PWP1: variants seen among roughly 807,000 people sequenced by gnomAD.
The protein encoded by PWP1 is PWP1 homolog, endonuclein.
A neutral mutation model predicts 69.9 loss-of-function variants in PWP1; 47 were observed. That is an observed-to-expected ratio of 0.67 (90% CI 0.53 to 0.86). The LOEUF is 0.86. Ranked by LOEUF, PWP1 falls within the 40% of genes least tolerant of loss-of-function variation. The pLI is 0.00. For missense variants in PWP1, 551 were observed against 608.8 expected, an observed-to-expected ratio of 0.91 and a Z score of 1.00; for synonymous variants, 222 against 208.2, an observed-to-expected ratio of 1.07 and a Z score of -0.57.
intron 8 of PWP1, 53 bp from the exon 9 acceptor site, chr12:107,702,882 T>G (rs1471185942): frequency 8.9e-6 from 10 of 1,119,488 alleles, no homozygotes; most frequent in East Asian, 4.7e-5. Context: ...TTTCTCATAT[T>G]TAATGCTCTT....
At chr12:107,711,802 G>GA (rs1372303097) in intron 14 of PWP1, among the ~76,000 whole-genome samples, 1 of 151,912 alleles carries the variant, frequency 6.6e-6, no homozygotes, top group Non-Finnish European at 1.5e-5. Flanking sequence ...AAAAGTGAAA[G>GA]AAAAAAATAG....
intron 3 of PWP1, among the ~76,000 whole-genome samples, chr12:107,689,126 T>A (rs1369701893): frequency 6.6e-6 from 1 of 152,208 alleles, no homozygotes; most frequent in Non-Finnish European, 1.5e-5. Flanking sequence ...CATATACCTT[T>A]TCCTCAACTG....
intron 3 of PWP1, 81 bp downstream of exon 3, chr12:107,688,883 C>T: frequency 7.2e-7 from 1 of 1,380,964 alleles, no homozygotes; most frequent in Non-Finnish European, 9.9e-7. Flanking sequence ...AAGCTTTACT[C>T]TTAGATTTTA....
At chr12:107,685,996 A>AG in intron 1 of PWP1, 25 bp downstream of exon 1, 1 of 1,612,042 alleles carries the variant, frequency 6.2e-7, no homozygotes, top group Admixed American at 1.7e-5. Context: ...CTGGGAGACA[A>AG]GGGGAGCAGC....
Position 107,686,969 on chromosome 12 carries a change from CAAAAAAAAA to C in PWP1, c.72+1021_72+1029del, listed in dbSNP as rs61728433. Among the ~76,000 whole-genome samples the C allele has an allele frequency of 2.3e-3, 245 of 106,812 alleles. 3 individuals carry two copies. The highest frequency in any genetic ancestry group is 8.4e-3 in the African/African-American group (230 of 27,356). 70.1% of individuals were successfully genotyped at this position (106,812 alleles called of 152,430 possible). A position where few individuals can be genotyped will look rare whatever the true frequency, so the allele number is the denominator to read the frequency against. On this transcript the variant is annotated intron_variant, in intron 1 of 14. Coordinates refer to ENST00000412830, the MANE Select transcript of PWP1 (RefSeq NM_007062.3). ...CGGGCAACAGAGTGAGACTCCGTCT[CAAAAAAAAA>C]AAAAAAAAAAAAAAAAAAAAAATAG... is the stretch of plus-strand genomic sequence containing the variant.
At position 107,699,573 on chromosome 12, in the gene PWP1, C is replaced by G. The variant is rs1487686864; in HGVS notation, c.806+139C>G. On this transcript the variant is annotated intron_variant, in intron 8 of 14. Transcript: ENST00000412830. ...TCTTGTAGGATGCCCTGCTTGCAGG[C>G]AGGAGCTCTGTCATCTGTTTCTTTG... 15 of 677,634 alleles carry G rather than the reference C, an allele frequency of 2.2e-5. No homozygotes were observed. The Admixed American group carries it at 4.2e-4, about 19-fold the overall frequency. The allele number at this position is 677,634 out of a possible 1,614,324, so 42.0% of individuals were successfully genotyped here. A position where few individuals can be genotyped will look rare whatever the true frequency, so the allele number is the denominator to read the frequency against.
chr12:107,708,537 C>T (rs753607444), intron 11 of PWP1, among the ~76,000 whole-genome samples: 16 of 152,292 alleles, frequency 1.1e-4, no homozygotes, highest in Admixed American at 2.6e-4. Flanking sequence ...CTGTTGGTCA[C>T]GCCTTGGTTC....
At chr12:107,703,227 G>C (rs1018794177) in intron 9 of PWP1, among the ~76,000 whole-genome samples, 196 bp downstream of exon 9, 2 of 152,058 alleles carry the variant, frequency 1.3e-5, no homozygotes, top group Non-Finnish European at 2.9e-5. Context: ...TGAAAAAATG[G>C]GTACAGAAAG....
intron 8 of PWP1, among the ~76,000 whole-genome samples, chr12:107,699,683 GA>G (rs932081474): frequency 6.6e-6 from 1 of 152,100 alleles, no homozygotes; most frequent in Non-Finnish European, 1.5e-5. Context: ...ACCACCACTG[GA>G]AAAAAACAGG....
chr12:107,698,370 G>A (rs1889634698), intron 7 of PWP1, among the ~76,000 whole-genome samples: 1 of 151,788 alleles, frequency 6.6e-6, no homozygotes, highest in Non-Finnish European at 1.5e-5. Flanking sequence ...GGAAAAAAAA[G>A]AACTGCTAGG....
In PWP1 at chr12:107,688,475, C is replaced by T. The variant is rs149469533; in HGVS notation, c.100C>T (p.Arg34Cys). ...AGAGCTGAGTAAAGAAGAAGTAAAA[C>T]GCCTCATTGCTGAGGCAAAGGAGAA... ...KVELSKEEVK[R>C]LIAEAKEKLQ... The change falls in exon 2 of 15, where the codon CGC becomes TGC. Residue 34 changes from arginine (R) to cysteine (C), a missense_variant. Transcript: ENST00000412830. The T allele has an allele frequency of 1.3e-4, 203 of 1,613,902 alleles. No individual in the cohort carries two copies. The highest frequency in any genetic ancestry group is 6.3e-4 in the Admixed American group (38 of 59,992).
Position 107,712,841 on chromosome 12 carries a change from A to G in PWP1, c.*621A>G, listed in dbSNP as rs1009631543. 1 of 152,238 alleles carries G rather than the reference A, an allele frequency of 6.6e-6. No homozygotes were observed. The highest frequency in any genetic ancestry group is 2.4e-5 in the African/African-American group (1 of 41,460). The allele number at this position is 152,238 out of a possible 1,614,324, so 9.4% of individuals were successfully genotyped here. ...TGCCATTCTGTGCCTAGTGCTATACAAGGCATGGGAGATTCAGTGTGAATA... is the reference window on the plus strand; with the variant it reads ...TGCCATTCTGTGCCTAGTGCTATACGAGGCATGGGAGATTCAGTGTGAATA... On this transcript the variant is annotated 3_prime_UTR_variant, in exon 15 of 15. Coordinates refer to ENST00000412830, the MANE Select transcript of PWP1 (RefSeq NM_007062.3).
In PWP1 at chr12:107,688,736, A is replaced by G. The variant is rs141217040; in HGVS notation, c.253A>G (p.Arg85Gly). The change falls in exon 3 of 15, where the codon AGG becomes GGG. Residue 85 changes from arginine to glycine, a missense_variant. Transcript: ENST00000412830. ...GGAGGATGGTGACCCAGAGGATGAC[A>G]GGACGCTTGATGATGATGAGCTGGC... The part of the protein sequence containing the change: ...PLEDGDPEDD[R>G]TLDDDELAEY... The G allele has an allele frequency of 1.4e-4, 229 of 1,614,136 alleles. No individual in the cohort carries two copies. The highest frequency in any genetic ancestry group is 1.9e-4 in the Non-Finnish European group (221 of 1,180,052).
chr12:107,705,698 T>C (rs536161865), intron 11 of PWP1, among the ~76,000 whole-genome samples: 1 of 152,268 alleles, frequency 6.6e-6, no homozygotes, highest in African/African-American at 2.4e-5. Flanking sequence ...ACAAAGGACA[T>C]GAACTCATTC....
intron 14 of PWP1, among the ~76,000 whole-genome samples, chr12:107,711,306 G>A (rs1190678076): frequency 4.6e-5 from 7 of 152,254 alleles, no homozygotes; most frequent in East Asian, 1.9e-4. Flanking sequence ...GCCCTCATTC[G>A]TAAACCCACA....
chr12:107,696,445 A>C, intron 5 of PWP1, 29 bp from the exon 6 acceptor site: 1 of 1,607,336 alleles, frequency 6.2e-7, no homozygotes, highest in Non-Finnish European at 8.5e-7. Context: ...ATTCTGATAC[A>C]TTAAAGTCTC....
At position 107,699,363 on chromosome 12, in the gene PWP1, A is replaced by G. The variant is rs1040482222; in HGVS notation, c.745-10A>G. On this transcript the variant is annotated splice_polypyrimidine_tract_variant and intron_variant, in intron 7 of 14. Coordinates refer to ENST00000412830, the MANE Select transcript of PWP1 (RefSeq NM_007062.3). ...TTTAATACAAAAAATAATTAAAACA[A>G]TTATTACAGAGTTCCTCAGCAGAAG... is the stretch of plus-strand genomic sequence containing the variant. The G allele has an allele frequency of 6.2e-6, 10 of 1,605,838 alleles. No individual in the cohort carries two copies. The highest frequency in any genetic ancestry group is 1.3e-5 in the African/African-American group (1 of 74,732).
chr12:107,710,657 G>A (rs750019297), intron 14 of PWP1, 147 bp downstream of exon 14: 368 of 1,311,634 alleles, frequency 2.8e-4, no homozygotes, highest in Admixed American at 7.3e-4. Context: ...TGTATAGCTG[G>A]GATTACAGGT....
At chr12:107,695,812 C>T (rs747945603) in intron 5 of PWP1, among the ~76,000 whole-genome samples, 1 of 152,020 alleles carries the variant, frequency 6.6e-6, no homozygotes, top group African/African-American at 2.4e-5. Context: ...TCAGCTAGAC[C>T]ATTAAAAGAT....
Sources: gnomAD v4.1 joint callset for allele counts (sites outside exome capture counted in the v4.1 genomes callset) on GRCh38, gnomAD v4.1.1 for gene constraint, MANE v1.5 for transcripts, NCBI Gene and HGNC (gene_info 2026-07-23, HGNC 2026-07-21) for gene names.